The following LTN1 variants were observed in gnomAD, a reference collection of about 807,000 sequenced individuals.
The protein encoded by LTN1 is listerin E3 ubiquitin protein ligase 1.
LTN1 carries 88 observed loss-of-function variants against 201.2 expected under a neutral mutation model. The observed-to-expected ratio is 0.44, with a 90% CI of 0.37 to 0.52. The LOEUF (loss-of-function observed/expected upper bound fraction) is 0.52. LTN1 is among the 20% of genes least tolerant of loss of function. The probability of loss-of-function intolerance (pLI) is 0.00; values close to 1 mark genes in which losing one functional copy is unlikely to be tolerated. For synonymous variants in LTN1, 645 were observed against 713.5 expected, an observed-to-expected ratio of 0.90 and a Z score of 1.53; for missense variants, 1,752 against 2,038.7, an observed-to-expected ratio of 0.86 and a Z score of 2.71.
At chr21:28,952,766 G>C (rs1219391920) in intron 17 of LTN1, among the ~76,000 whole-genome samples, 1 of 152,196 alleles carries the variant, frequency 6.6e-6, no homozygotes, top group African/African-American at 2.4e-5. Context: ...GTTCAATACA[G>C]TAATTTCAAA....
chr21:28,938,369 A>G (rs2146260740), intron 25 of LTN1, among the ~76,000 whole-genome samples: 1 of 152,322 alleles, frequency 6.6e-6, no homozygotes, highest in Admixed American at 6.5e-5. Context: ...ATACAGAGAA[A>G]GTATGTGCAA....
At chr21:28,966,147 T>C (rs1474374437) in intron 10 of LTN1, among the ~76,000 whole-genome samples, 1 of 152,248 alleles carries the variant, frequency 6.6e-6, no homozygotes, top group Non-Finnish European at 1.5e-5. Context: ...ACTTTTTAAA[T>C]GTATAGATTA....
chr21:28,949,427 C>T (rs2084365978), intron 18 of LTN1, among the ~76,000 whole-genome samples: 1 of 152,104 alleles, frequency 6.6e-6, no homozygotes, highest in South Asian at 2.1e-4. Flanking sequence ...TAAGTACATT[C>T]ACACTATTGT....
Position 28,930,338 on chromosome 21 carries a change from C to T in LTN1, c.*110G>A, listed in dbSNP as rs1568828504. The stretch of plus-strand genomic sequence containing the variant: ...CCAAAATAATTTTCCAGAGAAGGTC[C>T]TATTTAAAAGTAATGCTCACTGGCT... On this transcript the variant is annotated 3_prime_UTR_variant, in exon 30 of 30. Coordinates refer to ENST00000361371, the MANE Select transcript of LTN1 (RefSeq NM_015565.3). The T allele has an allele frequency of 3.0e-6, 2 of 673,470 alleles. No individual in the cohort carries two copies. The highest frequency in any genetic ancestry group is 5.0e-6 in the Non-Finnish European group (2 of 396,492). 41.7% of individuals were successfully genotyped at this position (673,470 alleles called of 1,614,324 possible). A position where few individuals can be genotyped will look rare whatever the true frequency, so the allele number is the denominator to read the frequency against.
At chr21:28,991,506 T>G (rs892916436) in intron 1 of LTN1, among the ~76,000 whole-genome samples, 1 of 152,152 alleles carries the variant, frequency 6.6e-6, no homozygotes, top group Non-Finnish European at 1.5e-5. Context: ...CAACTAACTC[T>G]TATAAGTTCA....
intron 4 of LTN1, among the ~76,000 whole-genome samples, chr21:28,983,639 TG>T (rs899390821): frequency 2.0e-5 from 3 of 152,124 alleles, no homozygotes; most frequent in Admixed American, 6.5e-5. Context: ...ACAAGAAATT[TG>T]AACTTAAAAG....
At chr21:28,987,068 T>C (rs1428004481) in intron 1 of LTN1, 134 bp from the exon 2 acceptor site, 9 of 623,180 alleles carry the variant, frequency 1.4e-5, no homozygotes, top group East Asian at 2.8e-5. Flanking sequence ...TAAAATTTCA[T>C]CTATTGCAAA....
Position 28,966,016 on chromosome 21 carries a change from T to C in LTN1, c.2122-110A>G, listed in dbSNP as rs6516883. 796 of 696,304 alleles carry C rather than the reference T, an allele frequency of 1.1e-3. 7 individuals carry two copies. In the African/African-American group the frequency reaches 0.014, roughly 12 times the overall value. 43.1% of individuals were successfully genotyped at this position (696,304 alleles called of 1,614,324 possible). A position where few individuals can be genotyped will look rare whatever the true frequency, so the allele number is the denominator to read the frequency against. ...TAGAACTCATGGGCTCAAGCCAATG[T>C]CTCACCTCAGCCTCCTGAGTAGCTG... is the stretch of plus-strand genomic sequence containing the variant. On this transcript the variant is annotated intron_variant, in intron 10 of 29. Transcript: ENST00000361371.
Position 28,992,858 on chromosome 21 carries a change from G to C in LTN1, c.-53C>G. On this transcript the variant is annotated 5_prime_UTR_variant, in exon 1 of 30. Coordinates refer to ENST00000361371, the MANE Select transcript of LTN1 (RefSeq NM_015565.3). ...ACTCAGACCCCGGTTGACACGTCCG[G>C]GACACAACTTCCGGCTTCTGGCGGC... 1.9e-6 allele frequency: 3 copies of C among 1,613,894 alleles called. No homozygotes were observed. Among genetic ancestry groups the C allele is most frequent in the Non-Finnish European group, 1.7e-6 (2 of 1,179,942 alleles).
At chr21:28,932,384 A>T (rs1184314701) in intron 28 of LTN1, 86 bp downstream of exon 28, 1 of 1,073,336 alleles carries the variant, frequency 9.3e-7, no homozygotes, top group Non-Finnish European at 1.4e-6. Context: ...TCTTAAGCAG[A>T]AAAGATATAT....
At position 28,986,438 on chromosome 21, in the gene LTN1, C is replaced by A; in HGVS notation, c.247-201G>T. 1.5e-6 allele frequency: 1 copy of A among 679,832 alleles called. No individual in the cohort carries two copies. Among genetic ancestry groups the A allele is most frequent in the South Asian group, 1.6e-5 (1 of 63,076 alleles). 42.1% of individuals were successfully genotyped at this position (679,832 alleles called of 1,614,324 possible). On this transcript the variant is annotated intron_variant, in intron 2 of 29. Coordinates refer to ENST00000361371, the MANE Select transcript of LTN1 (RefSeq NM_015565.3). The surrounding 1 kb of genome is among the most constrained non-coding windows in gnomAD (Gnocchi z 4.1). Reference sequence around the variant, plus strand: ...AGTTGTTTTTTTAAAAATAAAACATCTACAAACAAAAAAACCTCATTTAAA... The same window carrying A: ...AGTTGTTTTTTTAAAAATAAAACATATACAAACAAAAAAACCTCATTTAAA...
chr21:28,967,235 C>T, intron 9 of LTN1, 56 bp from the exon 10 acceptor site: 1 of 1,218,558 alleles, frequency 8.2e-7, no homozygotes, highest in Non-Finnish European at 1.2e-6. Flanking sequence ...ACCCCCATCT[C>T]CTGGCACACA....
At chr21:28,967,433 A>T (rs1296387018) in intron 9 of LTN1, among the ~76,000 whole-genome samples, 1 of 152,186 alleles carries the variant, frequency 6.6e-6, no homozygotes, top group Non-Finnish European at 1.5e-5. Context: ...GGTTAAGCTG[A>T]TCACCAGTGG....
chr21:28,946,072 C>A lies in LTN1; in HGVS notation c.3623+80G>T. Reference sequence around the variant, plus strand: ...GACTTAAATGTCTACCATAATTTCTCTACAAAATTGTGACACAGATACGTA... The same window carrying A: ...GACTTAAATGTCTACCATAATTTCTATACAAAATTGTGACACAGATACGTA... On this transcript the variant is annotated intron_variant, in intron 20 of 29. Coordinates refer to ENST00000361371, the MANE Select transcript of LTN1 (RefSeq NM_015565.3). The A allele has an allele frequency of 2.7e-6, 4 of 1,462,456 alleles. 1 individual carries two copies. The South Asian group carries it at 5.1e-5, about 19-fold the overall frequency. The allele number at this position is 1,462,456 out of a possible 1,614,324, so 90.6% of individuals were successfully genotyped here. A position where few individuals can be genotyped will look rare whatever the true frequency, so the allele number is the denominator to read the frequency against.
At chr21:28,972,857 A>G (rs556176827) in intron 6 of LTN1, among the ~76,000 whole-genome samples, 4 of 152,328 alleles carry the variant, frequency 2.6e-5, no homozygotes, top group African/African-American at 9.6e-5. Context: ...ATCCACACAA[A>G]GACACATTAT....
In LTN1 at chr21:28,971,129, C is replaced by A. The variant is rs9680242; in HGVS notation, c.984+142G>T. 8.0e-3 allele frequency: 5,016 copies of A among 628,634 alleles called. 196 individuals are homozygous for A. The African/African-American group carries it at 0.084, about 11-fold the overall frequency. 38.9% of individuals were successfully genotyped at this position (628,634 alleles called of 1,614,324 possible). A position where few individuals can be genotyped will look rare whatever the true frequency, so the allele number is the denominator to read the frequency against. On this transcript the variant is annotated intron_variant, in intron 7 of 29. Transcript: ENST00000361371. ...CTGGCAAAACAAAATAAAATAAAAA[C>A]TCTATGCCATTTTAGTCACTTTAAG...
Position 28,936,640 on chromosome 21 carries a change from A to G in LTN1, c.4540T>C (p.Tyr1514His), listed in dbSNP as rs778206351. ...RKTKSLNKLL[Y>H]HLFRLMPENP... is the part of the protein sequence containing the mutation. ...TCTGGCATAAGCCTGAACAGGTGATAGAGCAATTTATTCAAACTCTTTGTT... is the reference window on the plus strand; with the variant it reads ...TCTGGCATAAGCCTGAACAGGTGATGGAGCAATTTATTCAAACTCTTTGTT... The change falls in exon 26 of 30, where the codon TAT (tyrosine) becomes CAT (histidine). Residue 1514 changes from tyrosine to histidine, a missense_variant. Physicochemically the swap from Tyr to His is moderately conservative, Grantham distance 83 (BLOSUM62 2). Coordinates refer to ENST00000361371, the MANE Select transcript of LTN1 (RefSeq NM_015565.3). 2 of 1,613,914 alleles carry G rather than the reference A, an allele frequency of 1.2e-6. No homozygotes were observed. Among genetic ancestry groups the G allele is most frequent in the Non-Finnish European group, 1.7e-6 (2 of 1,179,846 alleles).
At position 28,959,576 on chromosome 21, in the gene LTN1, A is replaced by G. The variant is rs2084457597; in HGVS notation, c.2475T>C (p.Asp825=). The G allele has an allele frequency of 6.2e-7, 1 of 1,614,110 alleles. No individual in the cohort carries two copies. Residue 825 remains aspartate, a synonymous_variant, in exon 13 of 30, where the codon GAT becomes GAC. Coordinates refer to ENST00000361371, the MANE Select transcript of LTN1 (RefSeq NM_015565.3). The part of the protein sequence containing the change: ...SSDSSVSFIC[D]VAYNYFSSAK... Reference sequence around the variant, plus strand: ...CTGAGCTGAAATAGTTATAGGCCACATCACAGATAAAAGACACTGATGAGT... The same window carrying G: ...CTGAGCTGAAATAGTTATAGGCCACGTCACAGATAAAAGACACTGATGAGT...
chr21:28,947,727 T>C, intron 18 of LTN1, 121 bp from the exon 19 acceptor site: 1 of 586,938 alleles, frequency 1.7e-6, no homozygotes, highest in East Asian at 3.4e-5. Context: ...TATAATTACA[T>C]AAAAAGAAAC....
Sources: allele counts gnomAD v4.1 joint callset (sites outside exome capture counted in the v4.1 genomes callset), GRCh38; gene constraint gnomAD v4.1.1; non-coding constraint Gnocchi (gnomAD v3.1); transcripts MANE v1.5; gene names NCBI Gene and HGNC (gene_info 2026-07-23, HGNC 2026-07-21).